WNT2: variants seen among roughly 807,000 people sequenced by gnomAD.
WNT2 encodes the protein Wnt family member 2.
Under a neutral mutation model 36.9 loss-of-function variants are expected in WNT2, and 12 were observed. The observed-to-expected ratio is 0.33, with a 90% CI of 0.21 to 0.53. The LOEUF (loss-of-function observed/expected upper bound fraction) is 0.53. Ranked by LOEUF, WNT2 falls within the 20% of genes least tolerant of loss-of-function variation. The pLI, the probability that WNT2 is intolerant of heterozygous loss-of-function variation, is 0.95. For synonymous variants in WNT2, 163 were observed against 174.6 expected (o/e 0.93, Z 0.52); for missense variants, 379 against 473.1 (o/e 0.80, Z 1.84).
At chr7:117,315,975 G>A in intron 2 of WNT2, among the ~76,000 whole-genome samples, 1 of 152,234 alleles carries the variant, frequency 6.6e-6, no homozygotes, top group East Asian at 1.9e-4. Flanking sequence ...ATAAGTAATT[G>A]AGAGATTGCT....
chr7:117,320,192 C>T lies in WNT2; in HGVS notation c.310+375G>A, dbSNP rs555972005. On this transcript the variant is annotated intron_variant, in intron 2 of 4. Coordinates refer to ENST00000265441, the MANE Select transcript of WNT2 (RefSeq NM_003391.3). The stretch of plus-strand genomic sequence containing the variant: ...TTGAAGATTCTATGCTGATGATCTG[C>T]TCAAATTCTTCTGGAGGAAGCCCCA... 4.7e-4 allele frequency among the ~76,000 whole-genome samples: 71 copies of T among 152,310 alleles called. 2 individuals are homozygous for T. In the South Asian group the frequency reaches 0.012, roughly 25 times the overall value.
At position 117,284,199 on chromosome 7, in the gene WNT2, G is replaced by C. The variant is rs191748501; in HGVS notation, c.854-5815C>G. Among the ~76,000 whole-genome samples, 342 of 152,292 alleles carry C rather than the reference G, an allele frequency of 2.2e-3. 3 individuals are homozygous for C. Among genetic ancestry groups the C allele is most frequent in the South Asian group, 6.0e-3 (29 of 4,820 alleles). On this transcript the variant is annotated intron_variant, in intron 4 of 4. Coordinates refer to ENST00000265441, the MANE Select transcript of WNT2 (RefSeq NM_003391.3). The surrounding 1 kb of genome is among the most constrained non-coding windows in gnomAD (Gnocchi z 5.2). The stretch of plus-strand genomic sequence containing the variant: ...CTGAAAAGAACATTTCCAGAGTGCA[G>C]AATCTATACAAAATCGCTGGCATTA...
At chr7:117,289,204 C>T (rs1267283503) in intron 4 of WNT2, among the ~76,000 whole-genome samples, 1 of 151,858 alleles carries the variant, frequency 6.6e-6, no homozygotes, top group Non-Finnish European at 1.5e-5. Context: ...ACTACAGGCG[C>T]CCACCACAAC....
intron 3 of WNT2, 111 bp from the exon 4 acceptor site, chr7:117,297,987 G>A: frequency 5.0e-6 from 7 of 1,389,910 alleles, no homozygotes; most frequent in Middle Eastern, 2.1e-4. Flanking sequence ...CTGGATCCTG[G>A]GGCAAGTGAC....
intron 3 of WNT2, among the ~76,000 whole-genome samples, chr7:117,298,628 T>C (rs1214082055): frequency 6.6e-6 from 1 of 152,118 alleles, no homozygotes; most frequent in East Asian, 1.9e-4. Context: ...CCCTTTTCTG[T>C]GGGTGCGAGG....
intron 4 of WNT2, among the ~76,000 whole-genome samples, chr7:117,285,050 C>T (rs964369670): frequency 2.6e-5 from 4 of 152,224 alleles, no homozygotes; most frequent in East Asian, 1.9e-4. Flanking sequence ...AGTGCAGCAG[C>T]GTCTTTCCCG....
At chr7:117,299,228 C>G (rs569836045) in intron 3 of WNT2, among the ~76,000 whole-genome samples, 2 of 152,262 alleles carry the variant, frequency 1.3e-5, no homozygotes, top group African/African-American at 4.8e-5. Flanking sequence ...GATGGCAGGC[C>G]TCTGCCACAG....
intron 3 of WNT2, among the ~76,000 whole-genome samples, chr7:117,310,291 GC>G (rs1795096371): frequency 6.6e-6 from 1 of 152,142 alleles, no homozygotes; most frequent in Non-Finnish European, 1.5e-5. Context: ...CAGGCTGGGT[GC>G]CGTGGCTCAA....
At position 117,306,616 on chromosome 7, in the gene WNT2, A is replaced by C. The variant is rs17139642; in HGVS notation, c.588+8455T>G. Among the ~76,000 whole-genome samples, 1,033 of 152,248 alleles carry C rather than the reference A, an allele frequency of 6.8e-3. 19 individuals carry two copies. The highest frequency in any genetic ancestry group is 0.021 in the African/African-American group (886 of 41,532). On this transcript the variant is annotated intron_variant, in intron 3 of 4. Transcript: ENST00000265441. ...TGATTCTTAATGCAGGTCGCTGTCA[A>C]GATTCCATTTTCAGCCTTCTCGTAT...
In WNT2 at chr7:117,322,804, A is replaced by G. The variant is rs1795353697; in HGVS notation, c.83+103T>C. The stretch of plus-strand genomic sequence containing the variant: ...GCCAGGGTTCGGGCCAGAATCCGAG[A>G]CTGCTGCGGCCGCGGGGGAACGCAG... On this transcript the variant is annotated intron_variant, in intron 1 of 4. Transcript: ENST00000265441. This position sits in a 1 kb window ranked among gnomAD's most constrained non-coding sequence, Gnocchi z 5.4. 1 of 1,201,030 alleles carries G rather than the reference A, an allele frequency of 8.3e-7. No homozygotes were observed. The highest frequency in any genetic ancestry group is 1.5e-5 in the African/African-American group (1 of 66,944). The allele number at this position is 1,201,030 out of a possible 1,614,324, so 74.4% of individuals were successfully genotyped here. A position where few individuals can be genotyped will look rare whatever the true frequency, so the allele number is the denominator to read the frequency against.
intron 4 of WNT2, among the ~76,000 whole-genome samples, chr7:117,297,150 T>C (rs1794805791): frequency 1.3e-5 from 2 of 152,110 alleles, no homozygotes; most frequent in African/African-American, 4.8e-5. Flanking sequence ...GCCCTGGACA[T>C]TGTGGGGTTT....
chr7:117,319,530 G>A (rs2239957), intron 2 of WNT2, among the ~76,000 whole-genome samples: 6 of 146,416 alleles, frequency 4.1e-5, no homozygotes, highest in African/African-American at 1.3e-4. Context: ...ATTGGGGGGG[G>A]GGGTAGGCAA....
chr7:117,296,749 T>C (rs1330543323), intron 4 of WNT2, among the ~76,000 whole-genome samples: 1 of 152,212 alleles, frequency 6.6e-6, no homozygotes, highest in Non-Finnish European at 1.5e-5. Flanking sequence ...GTGTTGAGGC[T>C]GACAGAGCTG....
intron 2 of WNT2, 117 bp downstream of exon 2, chr7:117,320,450 G>A: frequency 1.9e-6 from 2 of 1,072,566 alleles, no homozygotes; most frequent in South Asian, 1.5e-5. Context: ...ACGCCCAACT[G>A]AACAAACTTC....
intron 3 of WNT2, among the ~76,000 whole-genome samples, chr7:117,306,513 T>C (rs1795017263): frequency 6.6e-6 from 1 of 152,260 alleles, no homozygotes; most frequent in African/African-American, 2.4e-5. Context: ...CCATAGCCCA[T>C]GACACAGTCA....
At chr7:117,305,742 A>G (rs1042021611) in intron 3 of WNT2, among the ~76,000 whole-genome samples, 1 of 152,116 alleles carries the variant, frequency 6.6e-6, no homozygotes, top group African/African-American at 2.4e-5. Context: ...GCACCATAAT[A>G]GGGCACTACA....
At chr7:117,279,802 TA>T (rs1156631187) in intron 4 of WNT2, among the ~76,000 whole-genome samples, 1 of 152,078 alleles carries the variant, frequency 6.6e-6, no homozygotes, top group Non-Finnish European at 1.5e-5. Flanking sequence ...CTAGAGAAGC[TA>T]AACTCTTATT....
intron 4 of WNT2, among the ~76,000 whole-genome samples, chr7:117,288,897 G>A (rs1794634385): frequency 6.6e-6 from 1 of 152,024 alleles, no homozygotes; most frequent in Non-Finnish European, 1.5e-5. Flanking sequence ...GATGTGAAAA[G>A]TATTTTTGCT....
In WNT2 at chr7:117,319,568, G is replaced by A. The variant is rs1438648534; in HGVS notation, c.310+999C>T. On this transcript the variant is annotated intron_variant, in intron 2 of 4. Coordinates refer to ENST00000265441, the MANE Select transcript of WNT2 (RefSeq NM_003391.3). ...ACAAGTAAAAAGTTTCCTATTTTGG[G>A]GGTTTGCACATAAACTGCTGTGTTT... is the stretch of plus-strand genomic sequence containing the variant. Among the ~76,000 whole-genome samples, 6 of 151,876 alleles carry A rather than the reference G, an allele frequency of 4.0e-5. No individual in the cohort carries two copies. The South Asian group carries it at 1.3e-3, about 32-fold the overall frequency.
Sources: gnomAD v4.1 joint callset for allele counts (sites outside exome capture counted in the v4.1 genomes callset) on GRCh38, gnomAD v4.1.1 for gene constraint, Gnocchi (gnomAD v3.1) non-coding constraint, MANE v1.5 for transcripts, NCBI Gene and HGNC (gene_info 2026-07-23, HGNC 2026-07-21) for gene names.